The following ERCC8 variants were observed in gnomAD, a reference collection of about 807,000 sequenced individuals.
The protein encoded by ERCC8 is DNA excision repair protein ERCC-8.
ERCC8 carries 52 observed loss-of-function variants against 54.9 expected under a neutral mutation model. The observed-to-expected ratio is 0.95, with a 90% CI of 0.76 to 1.19. The LOEUF is 1.19. Among genes scored for constraint, ERCC8 ranks in the 50% most tolerant of loss-of-function variants. The pLI, the probability that ERCC8 is intolerant of heterozygous loss-of-function variation, is 0.00. For missense variants in ERCC8, 514 were observed against 466.1 expected (o/e 1.10, Z -0.95); for synonymous variants, 146 against 157.2 (o/e 0.93, Z 0.53).
intron 11 of ERCC8, among the ~76,000 whole-genome samples, chr5:60,882,978 C>T (rs544005329): frequency 6.6e-6 from 1 of 150,822 alleles, no homozygotes; most frequent in East Asian, 1.9e-4. Context: ...AAAACACACA[C>T]ACACACACAC....
chr5:60,875,917 T>A (rs988183806), intron 11 of ERCC8, among the ~76,000 whole-genome samples: 2 of 152,090 alleles, frequency 1.3e-5, no homozygotes, highest in Non-Finnish European at 2.9e-5. Context: ...ACTGTAAGTT[T>A]TAGGGTACAT....
chr5:60,881,585 G>T (rs1385785239), intron 11 of ERCC8, among the ~76,000 whole-genome samples: 1 of 152,202 alleles, frequency 6.6e-6, no homozygotes, highest in Admixed American at 6.5e-5. Flanking sequence ...CAGCCTGGCT[G>T]CCGCCTTGCA....
intron 2 of ERCC8, among the ~76,000 whole-genome samples, chr5:60,925,797 C>T (rs1749730136): frequency 6.6e-6 from 1 of 152,082 alleles, no homozygotes. Context: ...ACTAGAGGAA[C>T]ATTAAAAACT....
At chr5:60,921,940 T>A in intron 3 of ERCC8, 114 bp downstream of exon 3, 1 of 662,658 alleles carries the variant, frequency 1.5e-6, no homozygotes, top group South Asian at 1.9e-5. Context: ...AAATGTGTTA[T>A]GTGAACCATT....
intron 10 of ERCC8, among the ~76,000 whole-genome samples, chr5:60,888,060 T>C (rs1457164684): frequency 6.6e-6 from 1 of 152,234 alleles, no homozygotes; most frequent in Admixed American, 6.5e-5. Flanking sequence ...TGTCAATGTC[T>C]ACAGATATGC....
intron 9 of ERCC8, among the ~76,000 whole-genome samples, chr5:60,891,429 T>C (rs920529298): frequency 6.6e-6 from 1 of 152,070 alleles, no homozygotes; most frequent in African/African-American, 2.4e-5. Context: ...TTGGTGGCAG[T>C]GTAATTTGGC....
chr5:60,891,216 G>C (rs1013657632), intron 9 of ERCC8, 130 bp from the exon 10 acceptor site: 2 of 659,194 alleles, frequency 3.0e-6, no homozygotes, highest in South Asian at 3.6e-5. Context: ...AATATTCAAC[G>C]TTGACAGAAC....
intron 5 of ERCC8, 92 bp downstream of exon 5, chr5:60,904,700 T>A: frequency 2.3e-6 from 1 of 433,670 alleles, no homozygotes. Flanking sequence ...GTGATATTCC[T>A]CTGGGTTAAA....
chr5:60,871,972 G>T lies in ERCC8; in HGVS notation c.*2643C>A, dbSNP rs1315665621. On this transcript the variant is annotated 3_prime_UTR_variant, in exon 12 of 12. Coordinates refer to ENST00000676185, the MANE Select transcript of ERCC8 (RefSeq NM_000082.4). Reference sequence around the variant, plus strand: ...TGCACAACACACTTGGTTAATTTTTGTATTTTTTATTTAGAGACGAGGTTT... The same window carrying T: ...TGCACAACACACTTGGTTAATTTTTTTATTTTTTATTTAGAGACGAGGTTT... 6.6e-6 allele frequency among the ~76,000 whole-genome samples: 1 copy of T among 151,922 alleles called. No homozygotes were observed. Among genetic ancestry groups the T allele is most frequent in the Admixed American group, 6.6e-5 (1 of 15,240 alleles).
At chr5:60,906,645 C>T (rs1288962137) in intron 4 of ERCC8, among the ~76,000 whole-genome samples, 4 of 152,132 alleles carry the variant, frequency 2.6e-5, no homozygotes, top group African/African-American at 9.6e-5. Context: ...AGGAGAATCG[C>T]TTGAACCCGG....
intron 1 of ERCC8, 135 bp from the exon 2 acceptor site, chr5:60,929,094 A>T: frequency 1.6e-6 from 1 of 607,716 alleles, no homozygotes. Flanking sequence ...TAACGTATTT[A>T]TAGATTTTTA....
intron 1 of ERCC8, among the ~76,000 whole-genome samples, chr5:60,936,214 A>G (rs543711856): frequency 1.3e-5 from 2 of 152,216 alleles, no homozygotes; most frequent in South Asian, 4.1e-4. Context: ...TGGTCTGTCC[A>G]GGGTTTCTAT....
At chr5:60,889,024 T>C (rs1040902473) in intron 10 of ERCC8, among the ~76,000 whole-genome samples, 4 of 152,216 alleles carry the variant, frequency 2.6e-5, no homozygotes, top group Non-Finnish European at 5.9e-5. Context: ...TTTCTGACTT[T>C]GATAATTTTG....
In ERCC8 at chr5:60,871,550, C is replaced by G. The variant is rs1747863621; in HGVS notation, c.*3065G>C. Reference sequence around the variant, plus strand: ...TTTATAACAACAGCTTGTTGAACATCCCATTATGTAAAATTATATGTATCA... The same window carrying G: ...TTTATAACAACAGCTTGTTGAACATGCCATTATGTAAAATTATATGTATCA... On this transcript the variant is annotated 3_prime_UTR_variant, in exon 12 of 12. Transcript: ENST00000676185. 1.3e-5 allele frequency among the ~76,000 whole-genome samples: 2 copies of G among 152,048 alleles called. No homozygotes were observed. The highest frequency in any genetic ancestry group is 2.4e-5 in the African/African-American group (1 of 41,390).
rs181849846 is a variant in ERCC8 at position 60,884,252 on chromosome 5, G to A, written c.1122+3188C>T. On this transcript the variant is annotated intron_variant, in intron 11 of 11. Transcript: ENST00000676185. ...CCCAGGACTTTGGGAGGCCGAGGCG[G>A]GTGGATCATGAGGTCAGGAGATCGA... Among the ~76,000 whole-genome samples the A allele has an allele frequency of 4.0e-3, 607 of 152,202 alleles. 5 individuals carry two copies. Among genetic ancestry groups the A allele is most frequent in the African/African-American group, 0.014 (565 of 41,520 alleles).
At chr5:60,891,649 G>A (rs2112477345) in intron 9 of ERCC8, among the ~76,000 whole-genome samples, 1 of 134,512 alleles carries the variant, frequency 7.4e-6, no homozygotes, top group South Asian at 2.4e-4. Flanking sequence ...GATATTTTTT[G>A]GGGGGGCATA....
At chr5:60,884,254 T>G (rs966595169) in intron 11 of ERCC8, among the ~76,000 whole-genome samples, 27 of 151,768 alleles carry the variant, frequency 1.8e-4, no homozygotes, top group African/African-American at 6.3e-4. Flanking sequence ...CCGAGGCGGG[T>G]GGATCATGAG....
intron 4 of ERCC8, among the ~76,000 whole-genome samples, chr5:60,911,539 G>A (rs1461576191): frequency 6.6e-6 from 1 of 151,960 alleles, no homozygotes; most frequent in African/African-American, 2.4e-5. Flanking sequence ...CATTCTGTAG[G>A]TTGCATGTTC....
At chr5:60,888,346 C>G (rs1342696809) in intron 10 of ERCC8, among the ~76,000 whole-genome samples, 2 of 152,068 alleles carry the variant, frequency 1.3e-5, no homozygotes, top group African/African-American at 4.8e-5. Context: ...ATTTTGTTGA[C>G]TGTATTACAA....
Sources: gnomAD v4.1 joint callset for allele counts (sites outside exome capture counted in the v4.1 genomes callset) on GRCh38, gnomAD v4.1.1 for gene constraint, MANE v1.5 for transcripts, NCBI Gene and HGNC (gene_info 2026-07-23, HGNC 2026-07-21) for gene names.